MAPKAP1: variants seen among roughly 807,000 people sequenced by gnomAD.
MAPKAP1 encodes the protein MAPK associated protein 1.
Under a neutral mutation model 65.7 loss-of-function variants are expected in MAPKAP1, and 20 were observed. The observed-to-expected ratio is 0.30, with a 90% confidence interval of 0.21 to 0.44. The LOEUF is 0.44. MAPKAP1 is among the 20% of genes least tolerant of loss of function. MAPKAP1 has a pLI of 1.00. For missense variants in MAPKAP1, 423 were observed against 648.0 expected (o/e 0.65, Z 3.77); for synonymous variants, 222 against 244.3 (o/e 0.91, Z 0.85).
At chr9:125,475,132 G>A (rs1416668774) in intron 9 of MAPKAP1, among the ~76,000 whole-genome samples, 2 of 152,130 alleles carry the variant, frequency 1.3e-5, no homozygotes, top group Non-Finnish European at 2.9e-5. Flanking sequence ...TGAAAAAATT[G>A]AGGCTCAGGG....
At chr9:125,548,293 G>C (rs994346199) in intron 6 of MAPKAP1, among the ~76,000 whole-genome samples, 1 of 152,244 alleles carries the variant, frequency 6.6e-6, no homozygotes, top group Non-Finnish European at 1.5e-5. Context: ...CTGTGTGACA[G>C]TCACAAAGGT....
At chr9:125,482,214 A>G (rs1228227638) in intron 9 of MAPKAP1, among the ~76,000 whole-genome samples, 1 of 151,974 alleles carries the variant, frequency 6.6e-6, no homozygotes, top group East Asian at 1.9e-4. Context: ...ATATACCATG[A>G]CTTTTCCACA....
chr9:125,559,331 TAGA>T (rs1338455911), intron 6 of MAPKAP1: 2 of 217,278 alleles, frequency 9.2e-6, no homozygotes, highest in East Asian at 1.0e-4. Flanking sequence ...GGTGCAAACC[TAGA>T]AGTTTTGCTT....
chr9:125,577,441 G>C (rs1428914225), intron 5 of MAPKAP1, among the ~76,000 whole-genome samples: 1 of 144,650 alleles, frequency 6.9e-6, no homozygotes, highest in East Asian at 2.2e-4. Context: ...GAGGTGGGGG[G>C]ATCAGCCCCC....
intron 1 of MAPKAP1, among the ~76,000 whole-genome samples, chr9:125,681,776 ATGTT>A (rs1436429936): frequency 6.6e-6 from 1 of 152,168 alleles, no homozygotes; most frequent in East Asian, 1.9e-4. Flanking sequence ...GCACCTATGT[ATGTT>A]TGTTTACAGA....
intron 4 of MAPKAP1, among the ~76,000 whole-genome samples, chr9:125,633,733 C>A (rs991933947): frequency 1.3e-5 from 2 of 152,098 alleles, no homozygotes; most frequent in African/African-American, 4.8e-5. Flanking sequence ...TTTCTAATTT[C>A]ATACTCTAGT....
intron 4 of MAPKAP1, among the ~76,000 whole-genome samples, chr9:125,657,132 A>G (rs1276907493): frequency 2.0e-5 from 3 of 152,186 alleles, no homozygotes; most frequent in Admixed American, 2.0e-4. Flanking sequence ...CAGCCAAGAC[A>G]ATGCAAATTG....
intron 9 of MAPKAP1, among the ~76,000 whole-genome samples, chr9:125,472,583 C>G (rs778512755): frequency 6.6e-6 from 1 of 152,166 alleles, no homozygotes; most frequent in East Asian, 1.9e-4. Context: ...CACGTATGCA[C>G]TGTTTTAAGT....
At position 125,438,976 on chromosome 9, in the gene MAPKAP1, G is replaced by A. The variant is rs1189560490; in HGVS notation, c.1480C>T (p.Arg494Trp). The A allele has an allele frequency of 9.9e-6, 16 of 1,614,072 alleles. No individual in the cohort carries two copies. Among genetic ancestry groups the A allele is most frequent in the Non-Finnish European group, 1.3e-5 (15 of 1,180,012 alleles). The stretch of plus-strand genomic sequence containing the variant: ...TGTTTTTGAGCAAAGTAGTCAGCCC[G>A]GGCAGTGCTAGCTCGCGATTCCAGG... Reference protein sequence around the residue: ...YILESRASTARADYFAQKQRK... With the variant: ...YILESRASTAWADYFAQKQRK... Residue 494 changes from arginine (R) to tryptophan (W), a missense_variant, in exon 12 of 12, where the codon CGG becomes TGG. This residue lies in a region of MAPKAP1 where 185 missense variants were observed against 268.1 expected (regional missense o/e 0.69). Coordinates refer to ENST00000265960, the MANE Select transcript of MAPKAP1 (RefSeq NM_001006617.3).
chr9:125,667,186 A>G lies in MAPKAP1; in HGVS notation c.349+2632T>C, dbSNP rs550843076. 5.9e-5 allele frequency among the ~76,000 whole-genome samples: 9 copies of G among 152,368 alleles called. No individual in the cohort carries two copies. The South Asian group carries it at 1.7e-3, about 28-fold the overall frequency. On this transcript the variant is annotated intron_variant, in intron 3 of 11. Coordinates refer to ENST00000265960, the MANE Select transcript of MAPKAP1 (RefSeq NM_001006617.3). ...TGAAACAATGAACAAAAATTAAAGT[A>G]GATTAGACTTTAAAAAATAAGTGGG...
At chr9:125,698,237 AAAATATAT>A (rs1292047423) in intron 1 of MAPKAP1, among the ~76,000 whole-genome samples, 1 of 140,142 alleles carries the variant, frequency 7.1e-6, no homozygotes, top group Non-Finnish European at 1.5e-5. Flanking sequence ...ATTCCATCTC[AAAATATAT>A]AAATATATAA....
intron 1 of MAPKAP1, among the ~76,000 whole-genome samples, chr9:125,700,806 T>C (rs1179735808): frequency 6.6e-6 from 1 of 152,248 alleles, no homozygotes; most frequent in African/African-American, 2.4e-5. Flanking sequence ...AATTTTCACC[T>C]TGTGAAAGCT....
chr9:125,567,070 T>C lies in MAPKAP1; in HGVS notation c.672-7261A>G, dbSNP rs897502291. 1.2e-4 allele frequency among the ~76,000 whole-genome samples: 18 copies of C among 152,296 alleles called. No individual in the cohort carries two copies. In the South Asian group the frequency reaches 1.2e-3, roughly 11 times the overall value. On this transcript the variant is annotated intron_variant, in intron 5 of 11. Transcript: ENST00000265960. ...TGTGTGAGTCATGAAGCCTCTCCTC[T>C]GCCACACTCTCCATATTGAGTTCAG...
rs557461192 is a variant in MAPKAP1 at position 125,636,432 on chromosome 9, T to A, written c.498+21219A>T. ...TATATCAAGATACAATAGAGACAAA[T>A]TAGATAATTCAAAATTCCTCCATAC... On this transcript the variant is annotated intron_variant, in intron 4 of 11. Transcript: ENST00000265960. 2.0e-5 allele frequency among the ~76,000 whole-genome samples: 3 copies of A among 152,212 alleles called. No homozygotes were observed. The East Asian group carries it at 5.8e-4, about 29-fold the overall frequency.
intron 3 of MAPKAP1, among the ~76,000 whole-genome samples, chr9:125,668,982 G>A (rs920838329): frequency 7.3e-5 from 11 of 151,644 alleles, no homozygotes; most frequent in African/African-American, 2.4e-4. Flanking sequence ...CCAGGAGTTC[G>A]AGAACAGCCT....
chr9:125,624,810 G>C (rs1186187369), intron 4 of MAPKAP1, among the ~76,000 whole-genome samples: 1 of 86,974 alleles, frequency 1.1e-5, no homozygotes, highest in African/African-American at 4.1e-5. Context: ...CGGGAAAGGT[G>C]GGGAAAAGAT....
intron 1 of MAPKAP1, among the ~76,000 whole-genome samples, chr9:125,693,688 TATATATACACGTATATATACAC>T (rs1564620189): frequency 4.5e-5 from 6 of 132,186 alleles, no homozygotes; most frequent in African/African-American, 9.3e-5. Flanking sequence ...TATATACACG[TATATATACACGTATATATACAC>T]ATATATACAC....
chr9:125,573,731 A>C (rs974193189), intron 5 of MAPKAP1, among the ~76,000 whole-genome samples: 2 of 151,984 alleles, frequency 1.3e-5, no homozygotes, highest in Non-Finnish European at 2.9e-5. Flanking sequence ...TGACCACAAC[A>C]TGCTTCCTCC....
intron 1 of MAPKAP1, among the ~76,000 whole-genome samples, chr9:125,680,306 T>C: frequency 6.6e-6 from 1 of 152,176 alleles, no homozygotes; most frequent in East Asian, 1.9e-4. Flanking sequence ...AGACCCTCTT[T>C]TTTTATTTTT....
Sources: allele counts gnomAD v4.1 joint callset (sites outside exome capture counted in the v4.1 genomes callset), GRCh38; gene constraint gnomAD v4.1.1; regional missense constraint gnomAD v4.1.1; transcripts MANE v1.5; gene names NCBI Gene and HGNC (gene_info 2026-07-23, HGNC 2026-07-21).